PKHD1: variants seen among roughly 807,000 people sequenced by gnomAD.
PKHD1 encodes the protein PKHD1 ciliary IPT domain containing fibrocystin/polyductin, also known as fibrocystin.
A neutral mutation model predicts 412.0 loss-of-function variants in PKHD1; 291 were observed. That is an observed-to-expected ratio of 0.71 (90% confidence interval 0.64 to 0.78). PKHD1 has a LOEUF of 0.78. Ranked by LOEUF, PKHD1 falls within the 30% of genes least tolerant of loss-of-function variation. The pLI is 0.00. For synonymous variants in PKHD1, 1,777 were observed against 1,821.5 expected (o/e 0.98, Z 0.62); for missense variants, 4,825 against 4,950.7 (o/e 0.97, Z 0.76).
At chr6:51,663,326 C>T (rs1316524355) in intron 60 of PKHD1, among the ~76,000 whole-genome samples, 1 of 152,026 alleles carries the variant, frequency 6.6e-6, no homozygotes, top group Non-Finnish European at 1.5e-5. Context: ...CTTCCTACTT[C>T]TCATCTAAGA....
chr6:51,861,915 ATCTC>A lies in PKHD1; in HGVS notation c.7734-5849_7734-5846del, dbSNP rs1774256083. ...ACTTTAGGTGACCATATACCATTGC[ATCTC>A]TACTTTTGATCTGCTGAGTCCAATT... On this transcript the variant is annotated intron_variant, in intron 48 of 66. Transcript: ENST00000371117. Among the ~76,000 whole-genome samples, 3 of 152,352 alleles carry A rather than the reference ATCTC, an allele frequency of 2.0e-5. No individual in the cohort carries two copies. The South Asian group carries it at 6.2e-4, about 32-fold the overall frequency.
intron 52 of PKHD1, among the ~76,000 whole-genome samples, chr6:51,811,901 A>G (rs1764735967): frequency 6.6e-6 from 1 of 152,226 alleles, no homozygotes; most frequent in Non-Finnish European, 1.5e-5. Flanking sequence ...ATATTTTTAC[A>G]TTATTTTGAA....
In PKHD1 at chr6:51,847,860, C is replaced by A. The variant is rs755688912; in HGVS notation, c.8022G>T (p.Leu2674=). ...ILLRCGSRVG[L]SFPFLPSPGQ... is the part of the protein sequence containing the mutation. Reference sequence around the variant, plus strand: ...CTGGTGATGGAAGAAATGGAAAAGACAGACCCACTCGACTCCCACATCTTA... The same window carrying A: ...CTGGTGATGGAAGAAATGGAAAAGAAAGACCCACTCGACTCCCACATCTTA... Residue 2674 remains leucine, a synonymous_variant, in exon 50 of 67, where the codon CTG becomes CTT. Transcript: ENST00000371117. 3.3e-5 allele frequency: 54 copies of A among 1,613,912 alleles called. 2 individuals carry two copies. The Admixed American group carries it at 3.8e-4, about 11-fold the overall frequency.
At chr6:51,626,709 T>C (rs540260726) in intron 66 of PKHD1, among the ~76,000 whole-genome samples, 75 of 152,304 alleles carry the variant, frequency 4.9e-4, no homozygotes, top group African/African-American at 1.7e-3. Flanking sequence ...ATTATATGCC[T>C]ATACTCTGGT....
At chr6:52,029,096 C>T (rs551447374) in intron 29 of PKHD1, among the ~76,000 whole-genome samples, 6 of 152,236 alleles carry the variant, frequency 3.9e-5, no homozygotes, top group African/African-American at 1.4e-4. Context: ...AGTACTTTCA[C>T]GTATGTTATC....
intron 45 of PKHD1, 52 bp from the exon 46 acceptor site, chr6:51,883,279 G>T: frequency 6.6e-7 from 1 of 1,510,412 alleles, no homozygotes; most frequent in Non-Finnish European, 9.2e-7. Context: ...TTTTTCTTGC[G>T]GACTTCCTGT....
intron 52 of PKHD1, among the ~76,000 whole-genome samples, chr6:51,830,022 C>T (rs963922151): frequency 8.5e-5 from 13 of 152,140 alleles, no homozygotes; most frequent in Admixed American, 3.3e-4. Flanking sequence ...ACATGGAAAA[C>T]AGTTCCCGGC....
At chr6:51,727,697 C>T (rs73442848) in intron 60 of PKHD1, among the ~76,000 whole-genome samples, 2,969 of 152,246 alleles carry the variant, frequency 0.02, 91 homozygotes, top group African/African-American at 0.068. Context: ...TGCTGGTGTG[C>T]CCCTGGAAAG....
chr6:51,874,207 CAAT>C (rs1776467361), intron 46 of PKHD1, among the ~76,000 whole-genome samples: 1 of 152,180 alleles, frequency 6.6e-6, no homozygotes, highest in Non-Finnish European at 1.5e-5. Flanking sequence ...AAATTAATTA[CAAT>C]AACAACGAAG....
At chr6:51,807,387 G>A (rs1296890255) in intron 52 of PKHD1, among the ~76,000 whole-genome samples, 3 of 138,954 alleles carry the variant, frequency 2.2e-5, no homozygotes, top group African/African-American at 5.4e-5. Flanking sequence ...GCAGTGAGCC[G>A]AAATCATGCC....
chr6:51,964,802 C>T (rs1178582014), intron 35 of PKHD1, among the ~76,000 whole-genome samples: 1 of 151,982 alleles, frequency 6.6e-6, no homozygotes, highest in Non-Finnish European at 1.5e-5. Context: ...TTTTTTGTGA[C>T]ATTCTTCATT....
At chr6:52,006,647 G>C (rs926858816) in intron 35 of PKHD1, among the ~76,000 whole-genome samples, 1 of 152,238 alleles carries the variant, frequency 6.6e-6, no homozygotes, top group East Asian at 1.9e-4. Context: ...AAAGTGCTGG[G>C]ATTACAGGCA....
chr6:51,882,235 G>A (rs1777483405), intron 46 of PKHD1, among the ~76,000 whole-genome samples: 1 of 152,002 alleles, frequency 6.6e-6, no homozygotes, highest in South Asian at 2.1e-4. Context: ...ATCTCTCAAG[G>A]TGGTAATCCT....
At chr6:51,861,232 G>A (rs994551352) in intron 48 of PKHD1, among the ~76,000 whole-genome samples, 12 of 152,148 alleles carry the variant, frequency 7.9e-5, no homozygotes, top group Non-Finnish European at 1.6e-4. Context: ...ATGTAACTTA[G>A]TGCCCATGTA....
intron 35 of PKHD1, among the ~76,000 whole-genome samples, chr6:52,007,931 A>G (rs1029905206): frequency 7.2e-5 from 11 of 152,210 alleles, no homozygotes; most frequent in African/African-American, 2.4e-4. Context: ...AAACGCAGCC[A>G]TAAGTTCAGA....
At position 52,069,244 on chromosome 6, in the gene PKHD1, T is replaced by C. The variant is rs11757861; in HGVS notation, c.778+213A>G. Among the ~76,000 whole-genome samples the C allele has an allele frequency of 0.068, 10,334 of 152,286 alleles. 506 individuals are homozygous for C. The highest frequency in any genetic ancestry group is 0.14 in the Middle Eastern group (42 of 294). On this transcript the variant is annotated intron_variant, in intron 11 of 66. Transcript: ENST00000371117. ...TCAGTTTATATCCATAGAATTTGTATAGAAGTTTATTATCAAGTCTCTTTT... is the reference window on the plus strand; with the variant it reads ...TCAGTTTATATCCATAGAATTTGTACAGAAGTTTATTATCAAGTCTCTTTT...
chr6:51,711,212 A>T (rs548962351), intron 60 of PKHD1, among the ~76,000 whole-genome samples: 1 of 152,298 alleles, frequency 6.6e-6, no homozygotes, highest in East Asian at 1.9e-4. Flanking sequence ...TAAATTTCAT[A>T]AGGATCCTGA....
intron 60 of PKHD1, among the ~76,000 whole-genome samples, chr6:51,668,452 C>T (rs1166642982): frequency 3.9e-5 from 6 of 152,148 alleles, no homozygotes; most frequent in Non-Finnish European, 8.8e-5. Context: ...TGGGCTAAGA[C>T]AATGGGGTTT....
intron 36 of PKHD1, among the ~76,000 whole-genome samples, chr6:51,956,069 G>A (rs1204801905): frequency 1.3e-5 from 2 of 152,030 alleles, no homozygotes; most frequent in Admixed American, 6.6e-5. Context: ...GACATTAAAA[G>A]AGGTTTACAG....
Sources: allele counts gnomAD v4.1 joint callset (sites outside exome capture counted in the v4.1 genomes callset), GRCh38; gene constraint gnomAD v4.1.1; transcripts MANE v1.5; gene names NCBI Gene and HGNC (gene_info 2026-07-23, HGNC 2026-07-21).